Variants in TBC1D23 observed in about 807,000 individuals in gnomAD.
TBC1D23 encodes the protein HCV non-structural protein 4A-transactivated protein 1.
Under a neutral mutation model 91.4 loss-of-function variants are expected in TBC1D23, and 55 were observed. That is an observed-to-expected ratio of 0.60 (90% confidence interval 0.48 to 0.75). The LOEUF (loss-of-function observed/expected upper bound fraction) is 0.75, where lower values mean the gene tolerates loss of function less well. TBC1D23 is among the 30% of genes least tolerant of loss of function. The pLI is 0.00. For synonymous variants in TBC1D23, 289 were observed against 281.0 expected (o/e 1.03, Z -0.28); for missense variants, 725 against 836.1 (o/e 0.87, Z 1.64).
intron 2 of TBC1D23, among the ~76,000 whole-genome samples, chr3:100,281,507 T>C (rs2067694363): frequency 6.6e-6 from 1 of 152,192 alleles, no homozygotes; most frequent in Admixed American, 6.5e-5. Context: ...TATAAATATT[T>C]TGGGTAATTT....
intron 5 of TBC1D23, 116 bp downstream of exon 5, chr3:100,290,817 G>A (rs2067783702): frequency 5.8e-6 from 5 of 861,620 alleles, no homozygotes; most frequent in African/African-American, 1.7e-5. Flanking sequence ...GATCATTACT[G>A]TTTAAACCAA....
intron 1 of TBC1D23, chr3:100,267,044 G>A: frequency 4.9e-6 from 1 of 204,712 alleles, no homozygotes; most frequent in South Asian, 6.0e-5. Context: ...AATCAGGAAT[G>A]TGCATTGTGG....
intron 4 of TBC1D23, among the ~76,000 whole-genome samples, chr3:100,289,469 C>T (rs1197701528): frequency 1.3e-5 from 2 of 152,112 alleles, no homozygotes; most frequent in South Asian, 2.1e-4. Flanking sequence ...AATTTGAGAT[C>T]AGGGACTGAG....
chr3:100,262,035 A>T (rs888788150), intron 1 of TBC1D23, among the ~76,000 whole-genome samples: 2 of 152,246 alleles, frequency 1.3e-5, no homozygotes, highest in Admixed American at 1.3e-4. Flanking sequence ...TCCCAGAGGA[A>T]AAAAATGGAA....
rs376672575 is a variant in TBC1D23 at position 100,320,830 on chromosome 3, G to A, written c.1877G>A (p.Arg626Gln). The change falls in exon 18 of 19, where the codon CGG (arginine) becomes CAG (glutamine). Residue 626 changes from arginine (R) to glutamine (Q), a missense_variant. Physicochemically the swap from Arg to Gln is conservative, Grantham distance 43 (BLOSUM62 1). Transcript: ENST00000394144. ...TACTGTTTAAGGGAGATTGTTTCAC[G>A]GAAAGGATTGGCTTATATACAGTCT... ...HMYCLREIVS[R>Q]KGLAYIQSRQ... The A allele has an allele frequency of 1.1e-5, 17 of 1,610,092 alleles. No individual in the cohort carries two copies. The highest frequency in any genetic ancestry group is 2.2e-5 in the East Asian group (1 of 44,802).
chr3:100,274,476 G>A (rs953759695), intron 1 of TBC1D23, among the ~76,000 whole-genome samples: 1 of 152,030 alleles, frequency 6.6e-6, no homozygotes, highest in African/African-American at 2.4e-5. Flanking sequence ...GTGTACATTA[G>A]TATTGAGTAC....
intron 2 of TBC1D23, among the ~76,000 whole-genome samples, chr3:100,279,983 A>G (rs1222736268): frequency 1.3e-5 from 2 of 152,188 alleles, no homozygotes. Context: ...TTTTGTAGCC[A>G]TTAGAAATGG....
chr3:100,315,469 A>G, intron 15 of TBC1D23, among the ~76,000 whole-genome samples: 1 of 152,124 alleles, frequency 6.6e-6, no homozygotes, highest in Non-Finnish European at 1.5e-5. Context: ...GCCGAGGCAG[A>G]TTCATTTTTA....
intron 18 of TBC1D23, 110 bp from the exon 19 acceptor site, chr3:100,323,477 C>G (rs1705900695): frequency 4.9e-6 from 2 of 405,288 alleles, no homozygotes; most frequent in African/African-American, 4.3e-5. Flanking sequence ...GGAAAGCTTC[C>G]CATTGGAGGT....
intron 1 of TBC1D23, among the ~76,000 whole-genome samples, chr3:100,262,154 A>T (rs1441123871): frequency 2.0e-5 from 3 of 152,184 alleles, no homozygotes; most frequent in Non-Finnish European, 1.5e-5. Context: ...GGAAAACTTC[A>T]TGGTGATCTA....
chr3:100,262,609 C>T (rs1194670088), intron 1 of TBC1D23, among the ~76,000 whole-genome samples: 1 of 146,224 alleles, frequency 6.8e-6, no homozygotes, highest in Non-Finnish European at 1.5e-5. Flanking sequence ...CCTGTAATCT[C>T]AGCTGCTTGG....
intron 10 of TBC1D23, among the ~76,000 whole-genome samples, chr3:100,299,574 A>G (rs1471220755): frequency 6.6e-6 from 1 of 152,050 alleles, no homozygotes; most frequent in African/African-American, 2.4e-5. Context: ...CAATGGTGCG[A>G]TCTCGGCTCA....
intron 4 of TBC1D23, 47 bp from the exon 5 acceptor site, chr3:100,290,527 ATTAT>A: frequency 1.3e-6 from 2 of 1,574,980 alleles, no homozygotes; most frequent in Non-Finnish European, 1.7e-6. Context: ...TACTGATGTG[ATTAT>A]TTCTGATCTG....
intron 1 of TBC1D23, among the ~76,000 whole-genome samples, chr3:100,272,869 C>T (rs1468968399): frequency 6.6e-6 from 1 of 152,240 alleles, no homozygotes; most frequent in Non-Finnish European, 1.5e-5. Context: ...ACATGTCCCA[C>T]CTCCAGCCCT....
chr3:100,305,027 G>A (rs1168453661), intron 12 of TBC1D23, 139 bp downstream of exon 12: 2 of 549,500 alleles, frequency 3.6e-6, no homozygotes, highest in East Asian at 6.5e-5. Context: ...AAAAGGCAAG[G>A]CCAGGAGGAC....
intron 4 of TBC1D23, among the ~76,000 whole-genome samples, chr3:100,285,020 G>A (rs1342315197): frequency 6.6e-6 from 1 of 152,148 alleles, no homozygotes; most frequent in Non-Finnish European, 1.5e-5. Flanking sequence ...TACTTTCTAA[G>A]TGATACCACA....
intron 2 of TBC1D23, 104 bp downstream of exon 2, chr3:100,279,864 G>A (rs2067680241): frequency 6.5e-6 from 4 of 619,934 alleles, no homozygotes; most frequent in South Asian, 4.4e-5. Context: ...ATTACCTTAT[G>A]AGCATGCCGC....
In TBC1D23 at chr3:100,289,616, C is replaced by G. The variant is rs142960949; in HGVS notation, c.477-962C>G. 4.7e-3 allele frequency among the ~76,000 whole-genome samples: 712 copies of G among 152,234 alleles called. 2 individuals carry two copies. The highest frequency in any genetic ancestry group is 6.4e-3 in the Non-Finnish European group (432 of 68,012). On this transcript the variant is annotated intron_variant, in intron 4 of 18. Transcript: ENST00000394144. ...GGTAGAGGGACAGTACTTTTCAGAT[C>G]AAGACTGTGAGTGGCTGCTGTGACC...
chr3:100,306,861 A>G (rs765955420), intron 13 of TBC1D23, among the ~76,000 whole-genome samples: 89 of 152,322 alleles, frequency 5.8e-4, no homozygotes, highest in Non-Finnish European at 4.6e-4. Flanking sequence ...TTAAATATCA[A>G]TGGGGACAAA....
Sources: allele counts gnomAD v4.1 joint callset (sites outside exome capture counted in the v4.1 genomes callset), GRCh38; gene constraint gnomAD v4.1.1; transcripts MANE v1.5; gene names NCBI Gene and HGNC (gene_info 2026-07-23, HGNC 2026-07-21).